The following PPP6R2 variants were observed in gnomAD, a reference collection of about 807,000 sequenced individuals.
The protein encoded by PPP6R2 is serine/threonine-protein phosphatase 6 regulatory subunit 2.
PPP6R2 carries 62 observed loss-of-function variants against 100.2 expected under a neutral mutation model. That is an observed-to-expected ratio of 0.62 (90% confidence interval 0.50 to 0.76). The LOEUF is 0.76. Ranked by LOEUF, PPP6R2 falls within the 30% of genes least tolerant of loss-of-function variation. The probability of loss-of-function intolerance (pLI) is 0.00; values close to 1 mark genes in which losing one functional copy is unlikely to be tolerated. For missense variants in PPP6R2, 1,142 were observed against 1,276.3 expected (o/e 0.89, Z 1.60); for synonymous variants, 525 against 514.7 (o/e 1.02, Z -0.27).
chr22:50,366,085 C>T (rs1435634113), intron 1 of PPP6R2, among the ~76,000 whole-genome samples: 1 of 152,054 alleles, frequency 6.6e-6, no homozygotes, highest in Non-Finnish European at 1.5e-5. Flanking sequence ...GACCTTTGTT[C>T]TGGGATGAGG....
At chr22:50,414,895 A>G (rs1043335062) in intron 5 of PPP6R2, among the ~76,000 whole-genome samples, 7 of 152,236 alleles carry the variant, frequency 4.6e-5, no homozygotes, top group African/African-American at 1.2e-4. Flanking sequence ...TCAGAAGCAC[A>G]GAGCAGAGAG....
At position 50,443,866 on chromosome 22, in the gene PPP6R2, G is replaced by C; in HGVS notation, c.2580G>C (p.Arg860Ser). The C allele has an allele frequency of 5.1e-6, 8 of 1,576,664 alleles. No homozygotes were observed. Among genetic ancestry groups the C allele is most frequent in the Non-Finnish European group, 6.9e-6 (8 of 1,159,840 alleles). Residue 860 changes from arginine (R) to serine (S), a missense_variant and splice_region_variant, in exon 23 of 24, where the codon AGG (arginine) becomes AGC (serine). Around this residue, in one of 2 missense-constraint regions of PPP6R2, gnomAD observed 550 missense variants for 517.4 expected, o/e 1.06. Coordinates refer to ENST00000612753, the MANE Select transcript of PPP6R2 (RefSeq NM_001242898.2). ...TVARTEEAVG[R>S]VGCADSRLLS... ...ACCGGAGTCCATGTTTGCCACACAG[G>C]GTCGGGTGTGCTGACAGCCGGCTGT...
At chr22:50,354,030 C>T (rs2045907665) in intron 1 of PPP6R2, among the ~76,000 whole-genome samples, 2 of 152,104 alleles carry the variant, frequency 1.3e-5, no homozygotes, top group South Asian at 4.1e-4. Context: ...GGAGGCCGGG[C>T]GCGGTGGCTC....
At chr22:50,360,442 A>G (rs902190077) in intron 1 of PPP6R2, among the ~76,000 whole-genome samples, 13 of 150,724 alleles carry the variant, frequency 8.6e-5, no homozygotes, top group East Asian at 3.9e-4. Flanking sequence ...GACTCACTGC[A>G]GTCTTGAACT....
intron 1 of PPP6R2, among the ~76,000 whole-genome samples, chr22:50,354,849 C>G (rs1469602142): frequency 2.7e-5 from 4 of 150,014 alleles, no homozygotes; most frequent in African/African-American, 9.8e-5. Context: ...GTTGTAAAAG[C>G]TGCTGCACCT....
chr22:50,380,644 C>A (rs1000410242), intron 2 of PPP6R2, among the ~76,000 whole-genome samples: 2 of 150,588 alleles, frequency 1.3e-5, no homozygotes, highest in Admixed American at 1.3e-4. Flanking sequence ...CAGGTGTGAG[C>A]CACTGTGCCT....
chr22:50,376,769 G>A (rs2051666049), intron 2 of PPP6R2, among the ~76,000 whole-genome samples: 1 of 152,250 alleles, frequency 6.6e-6, no homozygotes, highest in South Asian at 2.1e-4. Context: ...GCTGGGTGCA[G>A]TGGCTCACGC....
chr22:50,442,643 G>A (rs1029437619), intron 22 of PPP6R2, among the ~76,000 whole-genome samples: 36 of 152,046 alleles, frequency 2.4e-4, no homozygotes, highest in South Asian at 2.1e-4. Context: ...TCCGCCTCCC[G>A]GGTTCACGCC....
Position 50,423,651 on chromosome 22 carries a change from A to G in PPP6R2, c.1125+37A>G. On this transcript the variant is annotated intron_variant, in intron 10 of 23. Coordinates refer to ENST00000612753, the MANE Select transcript of PPP6R2 (RefSeq NM_001242898.2). The surrounding 1 kb of genome is among the most constrained non-coding windows in gnomAD (Gnocchi z 4.8). ...CCTCAGCCAGCCCTGCATGTCTGTG[A>G]GTGTGCCGGGCATGGCCTGTGGACT... is the stretch of plus-strand genomic sequence containing the variant. 1 of 1,611,956 alleles carries G rather than the reference A, an allele frequency of 6.2e-7. No homozygotes were observed. The highest frequency in any genetic ancestry group is 1.1e-5 in the South Asian group (1 of 90,922).
chr22:50,403,041 C>A (rs886741839), intron 3 of PPP6R2, among the ~76,000 whole-genome samples: 2 of 152,118 alleles, frequency 1.3e-5, no homozygotes, highest in African/African-American at 4.8e-5. Flanking sequence ...GGTAAAACCC[C>A]GTCTCTACCA....
intron 1 of PPP6R2, among the ~76,000 whole-genome samples, chr22:50,355,228 T>C (rs113313049): frequency 2.7e-4 from 39 of 145,466 alleles, no homozygotes; most frequent in Middle Eastern, 7.1e-3. Flanking sequence ...CAAGCAGCCT[T>C]CTTTTTTTTT....
At chr22:50,424,630 C>CT (rs1483954681) in intron 10 of PPP6R2, among the ~76,000 whole-genome samples, 14 of 101,294 alleles carry the variant, frequency 1.4e-4, no homozygotes, top group South Asian at 3.2e-4. Flanking sequence ...TTTCCCTCTT[C>CT]TTCTTTTTTT....
intron 10 of PPP6R2, among the ~76,000 whole-genome samples, chr22:50,427,910 C>A (rs185855312): frequency 6.6e-6 from 1 of 152,194 alleles, no homozygotes; most frequent in Non-Finnish European, 1.5e-5. Context: ...TTAGTAGAGA[C>A]AGGGTTTCAC....
intron 4 of PPP6R2, among the ~76,000 whole-genome samples, chr22:50,410,531 C>T (rs1603286159): frequency 7.4e-6 from 1 of 135,492 alleles, no homozygotes; most frequent in Admixed American, 8.6e-5. Context: ...GGCTGGAGTG[C>T]AGTGGCGCAA....
At chr22:50,400,615 C>T (rs919059857) in intron 3 of PPP6R2, among the ~76,000 whole-genome samples, 1 of 152,156 alleles carries the variant, frequency 6.6e-6, no homozygotes, top group African/African-American at 2.4e-5. Flanking sequence ...TGGGTCAGGA[C>T]AGGGGATCCC....
rs1808393989 is a variant in PPP6R2, at chr22:50,423,976, G to A, written c.1125+362G>A. Among the ~76,000 whole-genome samples the A allele has an allele frequency of 6.6e-6, 1 of 152,254 alleles. No individual in the cohort carries two copies. The highest frequency in any genetic ancestry group is 2.4e-5 in the African/African-American group (1 of 41,472). On this transcript the variant is annotated intron_variant, in intron 10 of 23. Coordinates refer to ENST00000612753, the MANE Select transcript of PPP6R2 (RefSeq NM_001242898.2). This position sits in a 1 kb window ranked among gnomAD's most constrained non-coding sequence, Gnocchi z 4.8. ...GTTATTAGGTATAAAATGGCTAAAAGAGAAGCTCCTGTCGTCCACAGTAGA... is the reference window on the plus strand; with the variant it reads ...GTTATTAGGTATAAAATGGCTAAAAAAGAAGCTCCTGTCGTCCACAGTAGA...
chr22:50,443,624 G>C (rs2066368290), intron 22 of PPP6R2: 3 of 577,298 alleles, frequency 5.2e-6, no homozygotes, highest in South Asian at 2.3e-5. Context: ...TCTGAGTGCT[G>C]CCTGGAGGAG....
intron 3 of PPP6R2, among the ~76,000 whole-genome samples, chr22:50,402,009 A>G (rs2146965576): frequency 6.6e-6 from 1 of 152,296 alleles, no homozygotes; most frequent in Non-Finnish European, 1.5e-5. Flanking sequence ...ATTCATGGAT[A>G]CACAGTCTTA....
intron 2 of PPP6R2, chr22:50,391,829 G>A (rs1358240999): frequency 6.6e-6 from 1 of 150,678 alleles, no homozygotes; most frequent in Non-Finnish European, 1.5e-5. Context: ...CTTCTAGCAG[G>A]ATCCTATTTC....
Sources: gnomAD v4.1 joint callset for allele counts (sites outside exome capture counted in the v4.1 genomes callset) on GRCh38, gnomAD v4.1.1 for gene constraint, gnomAD v4.1.1 regional missense constraint, Gnocchi (gnomAD v3.1) non-coding constraint, MANE v1.5 for transcripts, NCBI Gene and HGNC (gene_info 2026-07-23, HGNC 2026-07-21) for gene names.